The following ETNPPL variants were observed in gnomAD, a reference collection of about 807,000 sequenced individuals.
ETNPPL encodes the protein alanine--glyoxylate aminotransferase 2-like 1.
ETNPPL carries 30 observed loss-of-function variants against 55.5 expected under a neutral mutation model. The observed-to-expected ratio is 0.54, with a 90% CI of 0.40 to 0.73. ETNPPL has a LOEUF of 0.73. Ranked by LOEUF, ETNPPL falls within the 30% of genes least tolerant of loss-of-function variation. The pLI is 0.00. For synonymous variants in ETNPPL, 202 were observed against 207.2 expected (o/e 0.98, Z 0.21); for missense variants, 528 against 607.9 (o/e 0.87, Z 1.38).
chr4:108,748,057 T>C lies in ETNPPL; in HGVS notation c.1030A>G (p.Thr344Ala). The change falls in exon 9 of 13, where the codon ACT becomes GCT. Residue 344 changes from threonine (T) to alanine (A), a missense_variant. Thr to Ala is a moderately conservative substitution (Grantham distance 58). Transcript: ENST00000296486. ...GNAKRVGNYL[T>A]ELLKKQKAKH... ...GCCTTCTGTTTTTTCAGTAACTCAG[T>C]GAGATAATTCCCTACTCTCTTGGCA... is the stretch of plus-strand genomic sequence containing the variant. 1 of 1,611,786 alleles carries C rather than the reference T, an allele frequency of 6.2e-7. No homozygotes were observed. Among genetic ancestry groups the C allele is most frequent in the Non-Finnish European group, 8.5e-7 (1 of 1,178,742 alleles).
In ETNPPL at chr4:108,751,776, T is replaced by C. The variant is rs180858260; in HGVS notation, c.619-758A>G. ...GCTGTTGGACTCAAGACTTTTGCTG[T>C]ACAATTCCATGACTTTGCAAGCACA... On this transcript the variant is annotated intron_variant, in intron 6 of 12. Coordinates refer to ENST00000296486, the MANE Select transcript of ETNPPL (RefSeq NM_031279.4). Among the ~76,000 whole-genome samples, 146 of 152,370 alleles carry C rather than the reference T, an allele frequency of 9.6e-4. 3 individuals are homozygous for C. The highest frequency in any genetic ancestry group is 7.2e-3 in the South Asian group (35 of 4,832).
intron 1 of ETNPPL, among the ~76,000 whole-genome samples, chr4:108,761,489 C>CA (rs541475733): frequency 8.0e-5 from 12 of 150,634 alleles, no homozygotes; most frequent in East Asian, 1.9e-4. Context: ...AGTTAAAATC[C>CA]AAAAAAAAAC....
intron 1 of ETNPPL, among the ~76,000 whole-genome samples, 189 bp from the exon 2 acceptor site, chr4:108,760,495 A>G (rs1729463726): frequency 6.6e-6 from 1 of 152,208 alleles, no homozygotes; most frequent in Non-Finnish European, 1.5e-5. Context: ...CCCATTCATG[A>G]CATTGTTCAC....
At chr4:108,757,255 CA>C (rs1001153885) in intron 3 of ETNPPL, among the ~76,000 whole-genome samples, 13 of 151,786 alleles carry the variant, frequency 8.6e-5, no homozygotes, top group Admixed American at 6.6e-4. Flanking sequence ...ATATACTACC[CA>C]AAAAAAGGAA....
chr4:108,742,316 G>T lies in ETNPPL; in HGVS notation c.*168C>A. The T allele has an allele frequency of 1.7e-6, 1 of 583,642 alleles. No individual in the cohort carries two copies. Among genetic ancestry groups the T allele is most frequent in the East Asian group, 2.9e-5 (1 of 34,788 alleles). 36.2% of individuals were successfully genotyped at this position (583,642 alleles called of 1,614,324 possible). ...GAGTCTGAACTAATAATCTTGACAT[G>T]GTTTGATTATCACTTGGTTTATTCT... On this transcript the variant is annotated 3_prime_UTR_variant, in exon 13 of 13. Coordinates refer to ENST00000296486, the MANE Select transcript of ETNPPL (RefSeq NM_031279.4).
chr4:108,755,289 T>G (rs1001494271), intron 4 of ETNPPL, among the ~76,000 whole-genome samples: 2 of 152,170 alleles, frequency 1.3e-5, no homozygotes, highest in Non-Finnish European at 2.9e-5. Context: ...CCTTTTATCA[T>G]ATACAAAAAT....
chr4:108,752,819 C>G (rs561232137), intron 6 of ETNPPL, 76 bp downstream of exon 6: 1 of 826,268 alleles, frequency 1.2e-6, no homozygotes, highest in Non-Finnish European at 2.0e-6. Context: ...CCTTTTCCAT[C>G]TCTTCAGTGA....
chr4:108,749,232 A>G lies in ETNPPL; in HGVS notation c.927+6T>C, dbSNP rs1728774819. The G allele has an allele frequency of 6.2e-7, 1 of 1,603,486 alleles. No individual in the cohort carries two copies. Among genetic ancestry groups the G allele is most frequent in the South Asian group, 1.1e-5 (1 of 90,836 alleles). ...CTTAGCATTAAAGTTGGAGACCAAAATGTACCGTATTAAAATATTCCATCC... is the reference window on the plus strand; with the variant it reads ...CTTAGCATTAAAGTTGGAGACCAAAGTGTACCGTATTAAAATATTCCATCC... On this transcript the variant is annotated splice_donor_region_variant and intron_variant, in intron 8 of 12. Coordinates refer to ENST00000296486, the MANE Select transcript of ETNPPL (RefSeq NM_031279.4).
chr4:108,742,867 T>G (rs1728286373), intron 12 of ETNPPL, among the ~76,000 whole-genome samples: 1 of 152,232 alleles, frequency 6.6e-6, no homozygotes. Context: ...TGGGATTTCT[T>G]GTGCTGAACA....
rs549458164 is a variant in ETNPPL at position 108,762,825 on chromosome 4, G to C, written c.56+18C>G. On this transcript the variant is annotated intron_variant, in intron 1 of 12. Coordinates refer to ENST00000296486, the MANE Select transcript of ETNPPL (RefSeq NM_031279.4). ...TTGCCCCCTCTCTGCACTTACTTCC[G>C]GGCCAGGGTGCCCTTACCCGATGTG... The C allele has an allele frequency of 1.2e-6, 2 of 1,613,756 alleles. No homozygotes were observed. The highest frequency in any genetic ancestry group is 2.7e-5 in the African/African-American group (2 of 74,922).
At chr4:108,745,006 T>C (rs539557779) in intron 11 of ETNPPL, among the ~76,000 whole-genome samples, 52 of 152,308 alleles carry the variant, frequency 3.4e-4, no homozygotes, top group African/African-American at 1.2e-3. Context: ...TCTGGGATCT[T>C]ATAGGCATGT....
intron 12 of ETNPPL, among the ~76,000 whole-genome samples, chr4:108,743,369 G>A (rs1728309489): frequency 6.6e-6 from 1 of 152,162 alleles, no homozygotes; most frequent in Non-Finnish European, 1.5e-5. Flanking sequence ...GCTTTAGTTC[G>A]TTTTAGAACC....
At position 108,743,833 on chromosome 4, in the gene ETNPPL, T is replaced by C. The variant is rs781013422; in HGVS notation, c.1327A>G (p.Lys443Glu). Residue 443 changes from lysine (K) to glutamate (E), a missense_variant, in exon 12 of 13, where the codon AAA becomes GAA. Transcript: ENST00000296486. The stretch of plus-strand genomic sequence containing the variant: ...TTCTCAGAGGTCACACTTTCGGTTT[T>C]GGTTCCCATAGCTTCTTCTAAAACT... ...LTVLEEAMGT[K>E]TESVTSENTP... is the part of the protein sequence containing the mutation. The C allele has an allele frequency of 6.2e-7, 1 of 1,610,996 alleles. No individual in the cohort carries two copies. Among genetic ancestry groups the C allele is most frequent in the Non-Finnish European group, 8.5e-7 (1 of 1,177,284 alleles).
chr4:108,754,029 A>G (rs1729081031), intron 5 of ETNPPL, among the ~76,000 whole-genome samples: 1 of 139,434 alleles, frequency 7.2e-6, no homozygotes. Flanking sequence ...GCTGGAGTGC[A>G]GTGGCACGAT....
At chr4:108,753,771 A>G (rs1729036353) in intron 5 of ETNPPL, among the ~76,000 whole-genome samples, 1 of 136,554 alleles carries the variant, frequency 7.3e-6, no homozygotes, top group African/African-American at 3.1e-5. Context: ...AAAGAAAGAA[A>G]GAAAGAAAGA....
intron 5 of ETNPPL, among the ~76,000 whole-genome samples, chr4:108,753,979 T>TA (rs1162279078): frequency 6.9e-6 from 1 of 144,444 alleles, no homozygotes; most frequent in African/African-American, 2.5e-5. Flanking sequence ...TTTTCTTTTT[T>TA]TTTTTTTTTT....
chr4:108,756,846 A>AT (rs1403890699), intron 3 of ETNPPL, among the ~76,000 whole-genome samples: 2 of 152,174 alleles, frequency 1.3e-5, no homozygotes, highest in African/African-American at 4.8e-5. Flanking sequence ...ACAAAAAAAA[A>AT]CATTTAGGAT....
Position 108,742,435 on chromosome 4 carries a change from C to T in ETNPPL, c.*49G>A, listed in dbSNP as rs376318976. 3 of 1,603,016 alleles carry T rather than the reference C, an allele frequency of 1.9e-6. No homozygotes were observed. The highest frequency in any genetic ancestry group is 2.7e-5 in the African/African-American group (2 of 74,898). On this transcript the variant is annotated 3_prime_UTR_variant, in exon 13 of 13. Coordinates refer to ENST00000296486, the MANE Select transcript of ETNPPL (RefSeq NM_031279.4). ...TATTAACCGATGAGACACATCTACT[C>T]ATTCTCTGTAACTCTGGACATCGCA... is the stretch of plus-strand genomic sequence containing the variant.
intron 3 of ETNPPL, among the ~76,000 whole-genome samples, chr4:108,758,178 G>T (rs1729316288): frequency 1.3e-5 from 2 of 151,690 alleles, no homozygotes; most frequent in South Asian, 4.2e-4. Flanking sequence ...TTTTAGTAGA[G>T]ACAGGGTTTC....
Sources: allele counts gnomAD v4.1 joint callset (sites outside exome capture counted in the v4.1 genomes callset), GRCh38; gene constraint gnomAD v4.1.1; transcripts MANE v1.5; gene names NCBI Gene and HGNC (gene_info 2026-07-23, HGNC 2026-07-21).